Variants in STON1 observed in about 807,000 individuals in gnomAD.
The protein encoded by STON1 is stonin 1, also known as stonin-1.
STON1 carries 79 observed loss-of-function variants against 60.9 expected under a neutral mutation model. That is an observed-to-expected ratio of 1.30 (90% CI 1.08 to 1.56). The LOEUF (loss-of-function observed/expected upper bound fraction) is 1.56. Among genes scored for constraint, STON1 ranks in the 40% most tolerant of loss-of-function variants. STON1 has a pLI of 0.00. For synonymous variants in STON1, 363 were observed against 306.9 expected (o/e 1.18, Z -1.91); for missense variants, 1,166 against 858.9 (o/e 1.36, Z -4.47).
rs192340810 is a variant in STON1 at position 48,550,975 on chromosome 2, A to T, written c.-48+20759A>T. On this transcript the variant is annotated intron_variant, in intron 1 of 3. Transcript: ENST00000404752. ...TTTTCTTTTCTTTTTACTTAAAAAA[A>T]ATTTTTTGTAACTATTTTTTCTTTC... 1.4e-3 allele frequency among the ~76,000 whole-genome samples: 217 copies of T among 151,992 alleles called. 1 individual carries two copies. Among genetic ancestry groups the T allele is most frequent in the African/African-American group, 5.0e-3 (208 of 41,522 alleles).
chr2:48,576,930 T>C (rs1673543527), intron 1 of STON1, among the ~76,000 whole-genome samples: 1 of 151,906 alleles, frequency 6.6e-6, no homozygotes, highest in Non-Finnish European at 1.5e-5. Context: ...GGCGGGCGCC[T>C]GTAGTCCCAG....
chr2:48,538,763 A>ATTTTTTTTTTTTTTTTTTTTTT (rs34052598), intron 1 of STON1, among the ~76,000 whole-genome samples: 2 of 86,370 alleles, frequency 2.3e-5, no homozygotes, highest in African/African-American at 4.6e-5. Flanking sequence ...ACACCCAGCT[A>ATTTTTTTTTTTTTTTTTTTTTT]TTTTTTTTTT....
chr2:48,571,928 G>C (rs1424594448), intron 1 of STON1, among the ~76,000 whole-genome samples: 6 of 152,202 alleles, frequency 3.9e-5, no homozygotes, highest in Admixed American at 3.9e-4. Flanking sequence ...ACTTTGGGAG[G>C]CCAAGGCAGG....
chr2:48,531,113 A>T (rs1010323314), intron 1 of STON1: 3 of 152,182 alleles, frequency 2.0e-5, no homozygotes, highest in Non-Finnish European at 4.4e-5. Flanking sequence ...TCCACACTCG[A>T]CTGTTTTCCT....
intron 2 of STON1, among the ~76,000 whole-genome samples, chr2:48,590,427 C>G (rs1180235072): frequency 2.6e-5 from 4 of 152,222 alleles, no homozygotes; most frequent in African/African-American, 9.6e-5. Flanking sequence ...GTGCCTAAAG[C>G]TATATTCTGA....
chr2:48,579,097 G>A (rs181907190), intron 1 of STON1, among the ~76,000 whole-genome samples: 1 of 151,038 alleles, frequency 6.6e-6, no homozygotes, highest in African/African-American at 2.4e-5. Flanking sequence ...TCTGCCTCCC[G>A]GGCTCAAGCG....
At chr2:48,533,122 G>A (rs765408819) in intron 1 of STON1, among the ~76,000 whole-genome samples, 13 of 152,192 alleles carry the variant, frequency 8.5e-5, no homozygotes, top group African/African-American at 2.9e-4. Flanking sequence ...GGTGGCTTCC[G>A]CTTGTAATCC....
intron 2 of STON1, among the ~76,000 whole-genome samples, chr2:48,585,515 C>T (rs924078604): frequency 2.0e-5 from 3 of 152,116 alleles, no homozygotes; most frequent in Non-Finnish European, 2.9e-5. Context: ...TCCCAAAGTG[C>T]TGGGATTAGA....
intron 1 of STON1, among the ~76,000 whole-genome samples, chr2:48,543,361 G>C (rs987413661): frequency 6.6e-6 from 1 of 152,008 alleles, no homozygotes; most frequent in Non-Finnish European, 1.5e-5. Context: ...TTTTGCTTCT[G>C]TACCAGCTGT....
chr2:48,589,898 A>C (rs1003570923), intron 2 of STON1, among the ~76,000 whole-genome samples: 3 of 152,360 alleles, frequency 2.0e-5, no homozygotes, highest in African/African-American at 7.2e-5. Flanking sequence ...TTGCTATAGA[A>C]TACTACTGCC....
At chr2:48,545,548 T>G (rs909799112) in intron 1 of STON1, among the ~76,000 whole-genome samples, 1 of 152,230 alleles carries the variant, frequency 6.6e-6, no homozygotes, top group African/African-American at 2.4e-5. Context: ...AGTCACTCTC[T>G]GCCTTTGGAG....
intron 1 of STON1, among the ~76,000 whole-genome samples, chr2:48,575,419 C>T (rs1233932929): frequency 3.3e-5 from 5 of 151,914 alleles, no homozygotes; most frequent in African/African-American, 2.4e-5. Context: ...TTTGGGAGGC[C>T]GAGGAGGGTG....
chr2:48,574,291 G>A lies in STON1; in HGVS notation c.-47-6296G>A, dbSNP rs561031709. On this transcript the variant is annotated intron_variant, in intron 1 of 3. Coordinates refer to ENST00000404752, the MANE Select transcript of STON1 (RefSeq NM_006873.4). ...CTTGGGAGGCTGAGGCAGGAGAATC[G>A]ATTGAACCCTGGAGGCAAAGGTTGC... Among the ~76,000 whole-genome samples, 13 of 151,772 alleles carry A rather than the reference G, an allele frequency of 8.6e-5. No individual in the cohort carries two copies. The East Asian group carries it at 1.5e-3, about 18-fold the overall frequency.
At chr2:48,558,576 A>G (rs968330295) in intron 1 of STON1, among the ~76,000 whole-genome samples, 1 of 152,260 alleles carries the variant, frequency 6.6e-6, no homozygotes, top group Non-Finnish European at 1.5e-5. Context: ...AGTGTGTGTA[A>G]TTGGATTTTG....
At chr2:48,543,056 C>T (rs920219925) in intron 1 of STON1, among the ~76,000 whole-genome samples, 10 of 148,932 alleles carry the variant, frequency 6.7e-5, no homozygotes, top group African/African-American at 2.5e-4. Context: ...CTCACTGTAA[C>T]CTCTGCTTCC....
At chr2:48,572,911 G>A (rs6716878) in intron 1 of STON1, among the ~76,000 whole-genome samples, 17,892 of 152,274 alleles carry the variant, frequency 0.12, 1,437 homozygotes, top group Middle Eastern at 0.24. Flanking sequence ...TAAGGGCAGT[G>A]ACAGTGAAAT....
intron 1 of STON1, among the ~76,000 whole-genome samples, chr2:48,576,612 C>A (rs901128800): frequency 1.3e-5 from 2 of 150,790 alleles, no homozygotes; most frequent in African/African-American, 4.9e-5. Flanking sequence ...TGTTGAGCAT[C>A]TTTTCATATA....
intron 1 of STON1, among the ~76,000 whole-genome samples, chr2:48,558,271 C>T (rs754426051): frequency 2.6e-5 from 4 of 152,174 alleles, no homozygotes; most frequent in Non-Finnish European, 4.4e-5. Context: ...GAGTATTGTT[C>T]AAGTTGTTAC....
intron 3 of STON1, 124 bp downstream of exon 3, chr2:48,591,979 G>T (rs1275130173): frequency 3.0e-6 from 4 of 1,333,884 alleles, no homozygotes; most frequent in Non-Finnish European, 4.0e-6. Context: ...CCCTAGAGAG[G>T]ATCTCAGCTA....
Sources: gnomAD v4.1 joint callset for allele counts (sites outside exome capture counted in the v4.1 genomes callset) on GRCh38, gnomAD v4.1.1 for gene constraint, MANE v1.5 for transcripts, NCBI Gene and HGNC (gene_info 2026-07-23, HGNC 2026-07-21) for gene names.